The following RAPGEF5 variants were observed in gnomAD, a reference collection of about 807,000 sequenced individuals.
RAPGEF5 encodes the protein M-Ras-regulated GEF.
Under a neutral mutation model 125.2 loss-of-function variants are expected in RAPGEF5, and 65 were observed. The observed-to-expected ratio is 0.52, with a 90% CI of 0.43 to 0.64. RAPGEF5 has a LOEUF of 0.64. Ranked by LOEUF, RAPGEF5 falls within the 30% of genes least tolerant of loss-of-function variation. The pLI is 0.00. For synonymous variants in RAPGEF5, 391 were observed against 385.9 expected (o/e 1.01, Z -0.16); for missense variants, 958 against 1,048.1 (o/e 0.91, Z 1.19).
rs529416011 is a variant in RAPGEF5, at chr7:22,146,779, A to G, written c.2007+118T>C. The G allele has an allele frequency of 1.5e-5, 19 of 1,270,744 alleles. 1 individual carries two copies. In the Middle Eastern group the frequency reaches 6.9e-4, roughly 46 times the overall value. The allele number at this position is 1,270,744 out of a possible 1,614,324, so 78.7% of individuals were successfully genotyped here. A position where few individuals can be genotyped will look rare whatever the true frequency, so the allele number is the denominator to read the frequency against. Reference sequence around the variant, plus strand: ...TCTTTCAATATATTTCAAGTCCCCAAATATCTTTTGGACCACGTTATTCTA... The same window carrying G: ...TCTTTCAATATATTTCAAGTCCCCAGATATCTTTTGGACCACGTTATTCTA... On this transcript the variant is annotated intron_variant, in intron 19 of 25. Coordinates refer to ENST00000665637, the MANE Select transcript of RAPGEF5 (RefSeq NM_012294.5).
intron 7 of RAPGEF5, among the ~76,000 whole-genome samples, chr7:22,240,209 C>CAAA (rs35460153): frequency 0.012 from 929 of 78,874 alleles, 14 homozygotes; most frequent in African/African-American, 0.038. Flanking sequence ...GACTCCACCT[C>CAAA]AAAAAAAAAA....
chr7:22,343,521 A>G lies in RAPGEF5; in HGVS notation c.231+13309T>C, dbSNP rs1158440213. ...GTTGGTACCCAACCTTTACCACCCC[A>G]ATATTATTTACAAAAGCTCTGAAAT... On this transcript the variant is annotated intron_variant, in intron 1 of 25. Transcript: ENST00000665637. Among the ~76,000 whole-genome samples, 3 of 152,198 alleles carry G rather than the reference A, an allele frequency of 2.0e-5. No homozygotes were observed. The East Asian group carries it at 5.8e-4, about 29-fold the overall frequency.
chr7:22,226,532 A>G (rs1785922904), intron 8 of RAPGEF5, among the ~76,000 whole-genome samples: 1 of 152,230 alleles, frequency 6.6e-6, no homozygotes, highest in African/African-American at 2.4e-5. Flanking sequence ...AAAAAGTTAG[A>G]CTATGAAAAA....
intron 7 of RAPGEF5, among the ~76,000 whole-genome samples, chr7:22,236,813 A>G (rs753776048): frequency 8.5e-5 from 13 of 152,290 alleles, no homozygotes; most frequent in Middle Eastern, 3.4e-3. Context: ...GGAGATAAAT[A>G]CCAATTCAGG....
In RAPGEF5 at chr7:22,136,124, T is replaced by A; in HGVS notation, c.2330A>T (p.Asp777Val). The change falls in exon 23 of 26, where the codon GAT becomes GTT. Residue 777 changes from aspartate (D) to valine (V), a missense_variant and splice_region_variant. Coordinates refer to ENST00000665637, the MANE Select transcript of RAPGEF5 (RefSeq NM_012294.5). ...GTAGGCTTTGTGATTTAGGGAAGGA[T>A]CCTGCCGAACCAAGCAGATTACAAA... ...KLFSELESLT[D>V]PSLNHKAYRD... 1 of 1,606,364 alleles carries A rather than the reference T, an allele frequency of 6.2e-7. No individual in the cohort carries two copies. Among genetic ancestry groups the A allele is most frequent in the Non-Finnish European group, 8.5e-7 (1 of 1,176,430 alleles).
intron 5 of RAPGEF5, among the ~76,000 whole-genome samples, chr7:22,300,273 A>C (rs1052734796): frequency 2.6e-5 from 4 of 152,090 alleles, no homozygotes; most frequent in African/African-American, 9.7e-5. Flanking sequence ...TATGTTTTTC[A>C]GTTCTAAAAC....
In RAPGEF5 at chr7:22,193,929, C is replaced by G. The variant is rs367961066; in HGVS notation, c.1101G>C (p.Ala367=). 247 of 1,613,598 alleles carry G rather than the reference C, an allele frequency of 1.5e-4. No individual in the cohort carries two copies. Among genetic ancestry groups the G allele is most frequent in the Non-Finnish European group, 2.0e-4 (240 of 1,179,802 alleles). The change falls in exon 10 of 26, where the codon GCG becomes GCC. Residue 367 remains alanine, a synonymous_variant. Coordinates refer to ENST00000665637, the MANE Select transcript of RAPGEF5 (RefSeq NM_012294.5). ...GAAACTCTCACCTCCAATGGCTCTC[C>G]GCACTCCCAGCTGTGGGGGCTGGGC... ...CCGPAPTAGS[A]ESHWRYVVVS... is the part of the protein sequence containing the mutation.
rs1049607016 is a variant in RAPGEF5, at chr7:22,322,765, A to T, written c.232-4728T>A. Among the ~76,000 whole-genome samples, 6 of 152,334 alleles carry T rather than the reference A, an allele frequency of 3.9e-5. No homozygotes were observed. The East Asian group carries it at 5.8e-4, about 15-fold the overall frequency. On this transcript the variant is annotated intron_variant, in intron 1 of 25. Transcript: ENST00000665637. ...CTGAAGAAAAACAAATAAAACAGGT[A>T]CTAAGGACCCACCCCAAACATACTG...
intron 7 of RAPGEF5, among the ~76,000 whole-genome samples, chr7:22,232,091 T>C (rs1334976641): frequency 6.6e-6 from 1 of 152,068 alleles, no homozygotes; most frequent in East Asian, 1.9e-4. Context: ...CTATATTTTT[T>C]TAGACAAAAT....
intron 7 of RAPGEF5, among the ~76,000 whole-genome samples, chr7:22,258,430 G>A (rs1782057663): frequency 6.6e-6 from 1 of 152,016 alleles, no homozygotes; most frequent in African/African-American, 2.4e-5. Flanking sequence ...AGACCAGCCT[G>A]ACCAACATGG....
intron 5 of RAPGEF5, among the ~76,000 whole-genome samples, chr7:22,304,520 C>T (rs956641615): frequency 6.6e-6 from 1 of 152,248 alleles, no homozygotes; most frequent in African/African-American, 2.4e-5. Context: ...CAAGGTTTCT[C>T]TACAACAAGG....
At chr7:22,188,680 C>T (rs898090425) in intron 11 of RAPGEF5, among the ~76,000 whole-genome samples, 13 of 150,682 alleles carry the variant, frequency 8.6e-5, no homozygotes, top group South Asian at 8.4e-4. Context: ...GCAGGAGAAT[C>T]GCTTGAACTT....
At chr7:22,166,313 G>A (rs1784164879) in intron 12 of RAPGEF5, among the ~76,000 whole-genome samples, 1 of 151,880 alleles carries the variant, frequency 6.6e-6, no homozygotes, top group Admixed American at 6.6e-5. Context: ...GGAATCTTCA[G>A]TTTCATTTAA....
At chr7:22,189,778 C>T (rs1184368717) in intron 11 of RAPGEF5, among the ~76,000 whole-genome samples, 1 of 152,086 alleles carries the variant, frequency 6.6e-6, no homozygotes, top group Admixed American at 6.5e-5. Context: ...AACTATCAGA[C>T]AAAAGAAGAA....
chr7:22,155,751 C>T (rs904614227), intron 16 of RAPGEF5, among the ~76,000 whole-genome samples: 3 of 152,202 alleles, frequency 2.0e-5, no homozygotes, highest in African/African-American at 7.2e-5. Flanking sequence ...AAAAGGCTTT[C>T]CTCCTTCCAT....
At chr7:22,124,158 A>G (rs778590412) in intron 25 of RAPGEF5, among the ~76,000 whole-genome samples, 7 of 152,242 alleles carry the variant, frequency 4.6e-5, no homozygotes, top group Non-Finnish European at 8.8e-5. Flanking sequence ...ACAAGTTAGT[A>G]TAACTATCAC....
At chr7:22,287,736 T>G (rs947067979) in intron 6 of RAPGEF5, among the ~76,000 whole-genome samples, 10 of 152,208 alleles carry the variant, frequency 6.6e-5, no homozygotes, top group African/African-American at 2.2e-4. Context: ...TAACAAAGTT[T>G]ATATGCCATT....
chr7:22,285,920 T>C (rs1337224739), intron 6 of RAPGEF5, among the ~76,000 whole-genome samples: 2 of 152,144 alleles, frequency 1.3e-5, no homozygotes, highest in South Asian at 2.1e-4. Context: ...AGAAGAACCA[T>C]ACAAATAGAA....
At chr7:22,213,407 C>T (rs574334916) in intron 9 of RAPGEF5, among the ~76,000 whole-genome samples, 66 of 152,310 alleles carry the variant, frequency 4.3e-4, no homozygotes, top group Non-Finnish European at 6.8e-4. Context: ...TTTTACTTCC[C>T]TCTAAATGTC....
Sources: allele counts gnomAD v4.1 joint callset (sites outside exome capture counted in the v4.1 genomes callset), GRCh38; gene constraint gnomAD v4.1.1; transcripts MANE v1.5; gene names NCBI Gene and HGNC (gene_info 2026-07-23, HGNC 2026-07-21).